The following LHFPL3 variants were observed in gnomAD, a reference collection of about 807,000 sequenced individuals.
The protein encoded by LHFPL3 is LHFPL tetraspan subfamily member 3 protein.
A neutral mutation model predicts 19.3 loss-of-function variants in LHFPL3; 5 were observed. The ratio of observed to expected loss-of-function variants is 0.26; its 90% CI spans 0.14 to 0.54. LHFPL3 has a LOEUF of 0.54. Among genes scored for constraint, LHFPL3 ranks in the 20% least tolerant of loss-of-function variants. LHFPL3 has a pLI of 0.94. For missense variants in LHFPL3, 249 were observed against 307.4 expected (o/e 0.81, Z 1.42); for synonymous variants, 133 against 126.2 (o/e 1.05, Z -0.36).
intron 1 of LHFPL3, among the ~76,000 whole-genome samples, chr7:104,700,432 T>C (rs1241381556): frequency 6.6e-6 from 1 of 152,178 alleles, no homozygotes; most frequent in East Asian, 1.9e-4. Flanking sequence ...TCTCTCCCTC[T>C]CCTGATCCCA....
chr7:104,851,812 T>A (rs914482697), intron 2 of LHFPL3, among the ~76,000 whole-genome samples: 4 of 152,126 alleles, frequency 2.6e-5, no homozygotes, highest in Non-Finnish European at 5.9e-5. Flanking sequence ...TTGTCACCCG[T>A]GACCTAAGAT....
intron 1 of LHFPL3, among the ~76,000 whole-genome samples, chr7:104,603,217 A>G (rs1791021508): frequency 7.0e-6 from 1 of 142,678 alleles, no homozygotes; most frequent in Non-Finnish European, 1.5e-5. Flanking sequence ...TTCTTTCAAG[A>G]CATGGTCTTG....
At chr7:104,591,864 T>C (rs1253174279) in intron 1 of LHFPL3, among the ~76,000 whole-genome samples, 2 of 152,230 alleles carry the variant, frequency 1.3e-5, no homozygotes, top group Non-Finnish European at 2.9e-5. Context: ...TTTCATTCAT[T>C]AGATCTTCAA....
In LHFPL3 at chr7:104,833,023, T is replaced by TAG. The variant is rs375284709; in HGVS notation, c.683-73162_683-73161dup. Among the ~76,000 whole-genome samples, 2 of 13,318 alleles carry TAG rather than the reference T, an allele frequency of 1.5e-4. 1 individual carries two copies. The highest frequency in any genetic ancestry group is 3.6e-4 in the Non-Finnish European group (2 of 5,626). The allele number at this position is 13,318 out of a possible 152,430, so 8.7% of individuals were successfully genotyped here. A position where few individuals can be genotyped will look rare whatever the true frequency, so the allele number is the denominator to read the frequency against. On this transcript the variant is annotated intron_variant, in intron 2 of 2. Transcript: ENST00000424859. ...TATTATATATATATATTATATATAA[T>TAG]AGATATATTATATATATATATTATA...
intron 1 of LHFPL3, among the ~76,000 whole-genome samples, chr7:104,558,401 G>T (rs1789906069): frequency 6.6e-6 from 1 of 150,578 alleles, no homozygotes; most frequent in Non-Finnish European, 1.5e-5. Context: ...TCTCATTGTG[G>T]TTTTGATTTG....
intron 1 of LHFPL3, among the ~76,000 whole-genome samples, chr7:104,730,987 G>A (rs1185648695): frequency 3.3e-5 from 5 of 152,162 alleles, no homozygotes; most frequent in East Asian, 3.9e-4. Flanking sequence ...TCCCAGCACC[G>A]TTTATTAAAT....
chr7:104,371,540 C>T (rs1790615530), intron 1 of LHFPL3, among the ~76,000 whole-genome samples: 1 of 152,202 alleles, frequency 6.6e-6, no homozygotes, highest in Admixed American at 6.5e-5. Flanking sequence ...ATATAGCTCA[C>T]TGTTTTCACT....
intron 1 of LHFPL3, 79 bp downstream of exon 1, chr7:104,329,303 G>C: frequency 6.7e-7 from 1 of 1,485,232 alleles, no homozygotes; most frequent in Non-Finnish European, 9.0e-7. Context: ...GGGAGGGACG[G>C]GGGCTGTGCG....
chr7:104,606,790 G>A (rs1424039033), intron 1 of LHFPL3, among the ~76,000 whole-genome samples: 1 of 152,108 alleles, frequency 6.6e-6, no homozygotes, highest in East Asian at 1.9e-4. Flanking sequence ...CAATTTGGTG[G>A]GCAGGGGTCT....
intron 1 of LHFPL3, among the ~76,000 whole-genome samples, chr7:104,715,113 G>A (rs1039802853): frequency 6.6e-6 from 1 of 152,084 alleles, no homozygotes; most frequent in African/African-American, 2.4e-5. Flanking sequence ...ACCAGCCTGA[G>A]CAGCATAGGG....
chr7:104,460,982 T>G (rs139260054), intron 1 of LHFPL3, among the ~76,000 whole-genome samples: 1 of 152,168 alleles, frequency 6.6e-6, no homozygotes, highest in Non-Finnish European at 1.5e-5. Flanking sequence ...TACATTTGAG[T>G]CTTTAATCCA....
intron 1 of LHFPL3, among the ~76,000 whole-genome samples, chr7:104,629,151 G>T (rs1302739111): frequency 6.6e-6 from 1 of 152,090 alleles, no homozygotes; most frequent in African/African-American, 2.4e-5. Context: ...AATAAGTCCT[G>T]TTGTTCTTTA....
intron 1 of LHFPL3, among the ~76,000 whole-genome samples, chr7:104,593,511 C>T (rs1415551507): frequency 9.9e-5 from 15 of 152,060 alleles, no homozygotes; most frequent in Non-Finnish European, 2.1e-4. Context: ...AGAATGTATA[C>T]TCTGTTGATT....
chr7:104,818,035 C>T (rs1049575228), intron 2 of LHFPL3, among the ~76,000 whole-genome samples: 4 of 152,120 alleles, frequency 2.6e-5, no homozygotes, highest in Non-Finnish European at 4.4e-5. Flanking sequence ...AGATACAGAA[C>T]ATTTCCGTCA....
intron 1 of LHFPL3, among the ~76,000 whole-genome samples, chr7:104,378,324 G>A (rs969437136): frequency 1.8e-4 from 27 of 152,282 alleles, no homozygotes; most frequent in Admixed American, 3.3e-4. Flanking sequence ...TGTATGTAGC[G>A]TTAAGCTTTT....
intron 1 of LHFPL3, among the ~76,000 whole-genome samples, chr7:104,530,804 T>C (rs529544111): frequency 1.8e-4 from 27 of 152,348 alleles, no homozygotes; most frequent in African/African-American, 6.5e-4. Flanking sequence ...TAGATTGCAA[T>C]GATAAACATT....
intron 1 of LHFPL3, among the ~76,000 whole-genome samples, chr7:104,517,134 G>A (rs535604151): frequency 1.3e-5 from 2 of 152,192 alleles, no homozygotes; most frequent in South Asian, 4.2e-4. Context: ...CCACAGTGGG[G>A]CCTATCGGAG....
intron 1 of LHFPL3, among the ~76,000 whole-genome samples, chr7:104,481,870 G>A (rs1317541044): frequency 2.0e-5 from 3 of 152,138 alleles, no homozygotes; most frequent in Admixed American, 2.0e-4. Flanking sequence ...ACTGAAGTAG[G>A]TGACTGACCT....
chr7:104,600,755 A>G (rs55930885), intron 1 of LHFPL3, among the ~76,000 whole-genome samples: 6,689 of 152,292 alleles, frequency 0.044, 170 homozygotes, highest in African/African-American at 0.065. Flanking sequence ...CTGTTGTTTC[A>G]TTCATTCTTC....
Sources: gnomAD v4.1 joint callset for allele counts (sites outside exome capture counted in the v4.1 genomes callset) on GRCh38, gnomAD v4.1.1 for gene constraint, MANE v1.5 for transcripts, NCBI Gene and HGNC (gene_info 2026-07-23, HGNC 2026-07-21) for gene names.